CCDC15: variants seen among roughly 807,000 people sequenced by gnomAD.
CCDC15 encodes the protein coiled-coil domain containing 15.
A neutral mutation model predicts 114.5 loss-of-function variants in CCDC15; 105 were observed. The observed-to-expected ratio is 0.92, with a 90% CI of 0.78 to 1.08. The LOEUF is 1.08. Ranked by LOEUF, CCDC15 falls within the 50% of genes least tolerant of loss-of-function variation. CCDC15 has a pLI of 0.00. For missense variants in CCDC15, 1,105 were observed against 1,093.6 expected, an observed-to-expected ratio of 1.01 and a Z score of -0.15; for synonymous variants, 334 against 377.8, an observed-to-expected ratio of 0.88 and a Z score of 1.34.
chr11:125,002,072 A>G (rs1019414638), intron 11 of CCDC15, among the ~76,000 whole-genome samples: 3 of 152,082 alleles, frequency 2.0e-5, no homozygotes, highest in African/African-American at 7.2e-5. Context: ...ACTTGTTATT[A>G]TCTGTATTTT....
intron 13 of CCDC15, among the ~76,000 whole-genome samples, chr11:125,021,026 T>C (rs1218761604): frequency 6.6e-6 from 1 of 151,690 alleles, no homozygotes; most frequent in East Asian, 1.9e-4. Flanking sequence ...GTTGGTGCTA[T>C]AGCTTTGTGA....
intron 13 of CCDC15, among the ~76,000 whole-genome samples, chr11:125,033,851 C>T (rs901143831): frequency 6.6e-6 from 1 of 152,188 alleles, no homozygotes; most frequent in African/African-American, 2.4e-5. Flanking sequence ...ACTCTATGTT[C>T]CTTCTATCAT....
chr11:125,024,415 G>A (rs1948681593), intron 13 of CCDC15, among the ~76,000 whole-genome samples: 1 of 152,138 alleles, frequency 6.6e-6, no homozygotes, highest in East Asian at 1.9e-4. Flanking sequence ...GGAAAATTTA[G>A]AATTGAAATC....
chr11:124,981,936 G>A (rs1045826163), intron 6 of CCDC15, among the ~76,000 whole-genome samples: 6 of 152,114 alleles, frequency 3.9e-5, no homozygotes, highest in African/African-American at 1.2e-4. Context: ...CTCTTCATAG[G>A]TTTCTAAGAA....
At chr11:125,016,401 A>G (rs565665990) in intron 13 of CCDC15, among the ~76,000 whole-genome samples, 1 of 150,532 alleles carries the variant, frequency 6.6e-6, no homozygotes, top group Non-Finnish European at 1.5e-5. Context: ...GGATGCTTGG[A>G]AAAAAAAAAT....
intron 6 of CCDC15, among the ~76,000 whole-genome samples, chr11:124,980,716 C>A (rs187188763): frequency 2.1e-4 from 32 of 152,228 alleles, no homozygotes; most frequent in Admixed American, 2.0e-3. Context: ...AAGACCAGTT[C>A]CTGGATTAAT....
intron 13 of CCDC15, among the ~76,000 whole-genome samples, chr11:125,022,223 A>G (rs1451007685): frequency 4.6e-5 from 7 of 151,808 alleles, no homozygotes; most frequent in Non-Finnish European, 8.8e-5. Context: ...GCCTTTTTCT[A>G]TATTACCTTC....
Position 124,959,828 on chromosome 11 carries a change from G to A in CCDC15, c.341G>A (p.Gly114Asp). ...TCTTTCGTGTAGGCACAAAAAGAAG[G>A]CTCCATAGCCATGCAGTCTTCAGCA... ...QKSYERAQKEGSIAMQSSATH... is the reference protein window; with the variant it reads ...QKSYERAQKEDSIAMQSSATH... The change falls in exon 4 of 16, where the codon GGC (glycine) becomes GAC (aspartate). Residue 114 changes from glycine to aspartate, a missense_variant. Physicochemically the swap from Gly to Asp is moderately conservative, Grantham distance 94. Transcript: ENST00000344762. The A allele has an allele frequency of 1.3e-6, 2 of 1,596,410 alleles. No homozygotes were observed. The highest frequency in any genetic ancestry group is 1.7e-5 in the Admixed American group (1 of 57,430).
intron 2 of CCDC15, among the ~76,000 whole-genome samples, chr11:124,955,457 A>G (rs1255769834): frequency 6.6e-6 from 1 of 152,208 alleles, no homozygotes; most frequent in African/African-American, 2.4e-5. Flanking sequence ...CCCCTTAGCT[A>G]TTTGTTCAAA....
intron 13 of CCDC15, among the ~76,000 whole-genome samples, chr11:125,023,271 A>G (rs1320071532): frequency 6.6e-6 from 1 of 152,000 alleles, no homozygotes; most frequent in Non-Finnish European, 1.5e-5. Context: ...TGTGTTTGTC[A>G]CAAATCAGTT....
chr11:124,987,087 T>G (rs1320321966), intron 7 of CCDC15, 40 bp from the exon 8 acceptor site: 6 of 1,454,220 alleles, frequency 4.1e-6, no homozygotes, highest in Non-Finnish European at 5.5e-6. Flanking sequence ...GTATTGCTAC[T>G]AACTCACATT....
intron 4 of CCDC15, among the ~76,000 whole-genome samples, chr11:124,962,991 A>G (rs1947699970): frequency 6.6e-6 from 1 of 152,112 alleles, no homozygotes; most frequent in African/African-American, 2.4e-5. Context: ...ATCCTTTTTT[A>G]TGGCTGCATA....
At chr11:124,985,361 T>C (rs1948139455) in intron 6 of CCDC15, among the ~76,000 whole-genome samples, 1 of 152,224 alleles carries the variant, frequency 6.6e-6, no homozygotes, top group Non-Finnish European at 1.5e-5. Context: ...TTTTAGGACA[T>C]TCATTTCTAG....
chr11:124,954,814 G>A lies in CCDC15; in HGVS notation c.82G>A (p.Val28Met), dbSNP rs779132677. 1.8e-5 allele frequency: 29 copies of A among 1,613,904 alleles called. No individual in the cohort carries two copies. The South Asian group carries it at 3.1e-4, about 17-fold the overall frequency. The change falls in exon 2 of 16, where the codon GTG becomes ATG. Residue 28 changes from valine to methionine, a missense_variant. Physicochemically the swap from Val to Met is conservative, Grantham distance 21. Transcript: ENST00000344762. ...LALNPLKSKD[V>M]LAVLAERNEA... Reference sequence around the variant, plus strand: ...TTTAAACCCCCTGAAGAGCAAGGACGTGTTGGCAGTGCTGGCTGAGAGGAA... The same window carrying A: ...TTTAAACCCCCTGAAGAGCAAGGACATGTTGGCAGTGCTGGCTGAGAGGAA...
At chr11:124,967,960 T>C (rs12276990) in intron 4 of CCDC15, among the ~76,000 whole-genome samples, 30,707 of 151,640 alleles carry the variant, frequency 0.2, 3,642 homozygotes, top group African/African-American at 0.33. Context: ...GTATCACCAG[T>C]GGAGGCTGCA....
chr11:124,960,135 C>CTTTT, intron 4 of CCDC15, 132 bp downstream of exon 4: 3 of 435,028 alleles, frequency 6.9e-6, no homozygotes, highest in African/African-American at 2.1e-5. Context: ...AATCATCCCC[C>CTTTT]TTTTTTTTTT....
intron 13 of CCDC15, among the ~76,000 whole-genome samples, chr11:125,005,443 GCAGAAAGTA>G (rs1948544283): frequency 6.6e-6 from 1 of 152,028 alleles, no homozygotes; most frequent in Non-Finnish European, 1.5e-5. Context: ...GCAAAATTGA[GCAGAAAGTA>G]CAGAGAGTAT....
At position 124,986,718 on chromosome 11, in the gene CCDC15, C is replaced by T. The variant is rs543296409; in HGVS notation, c.754-24C>T. On this transcript the variant is annotated intron_variant, in intron 6 of 15. Coordinates refer to ENST00000344762, the MANE Select transcript of CCDC15 (RefSeq NM_025004.3). ...GTGTGTGTGCGCGCGCGCGCGTGCGCGTTTTCATTGTTTTTTTCTTTAGGA... is the reference window on the plus strand; with the variant it reads ...GTGTGTGTGCGCGCGCGCGCGTGCGTGTTTTCATTGTTTTTTTCTTTAGGA... 1.8e-5 allele frequency: 27 copies of T among 1,529,820 alleles called. 1 individual carries two copies. The highest frequency in any genetic ancestry group is 9.9e-5 in the South Asian group (8 of 80,994). The allele number at this position is 1,529,820 out of a possible 1,614,324, so 94.8% of individuals were successfully genotyped here.
At chr11:124,993,749 T>C (rs1948311439) in intron 11 of CCDC15, among the ~76,000 whole-genome samples, 3 of 152,174 alleles carry the variant, frequency 2.0e-5, no homozygotes, top group Non-Finnish European at 4.4e-5. Context: ...TGTCATAGTT[T>C]CGTTACCAAA....
Sources: gnomAD v4.1 joint callset for allele counts (sites outside exome capture counted in the v4.1 genomes callset) on GRCh38, gnomAD v4.1.1 for gene constraint, MANE v1.5 for transcripts, NCBI Gene and HGNC (gene_info 2026-07-23, HGNC 2026-07-21) for gene names.